PAK3: variants seen among roughly 807,000 people sequenced by gnomAD.
PAK3 encodes the protein serine/threonine-protein kinase PAK 3.
Under a neutral mutation model 41.0 loss-of-function variants are expected in PAK3, and 4 were observed. That is an observed-to-expected ratio of 0.10 (90% CI 0.05 to 0.22). PAK3 has a LOEUF of 0.22. Ranked by LOEUF, PAK3 falls within the 10% of genes least tolerant of loss-of-function variation. PAK3 has a pLI of 1.00. For missense variants in PAK3, 205 were observed against 409.9 expected (o/e 0.50, Z 4.32); for synonymous variants, 146 against 139.6 (o/e 1.05, Z -0.32).
intron 1 of PAK3, among the ~76,000 whole-genome samples, chrX:111,076,771 G>T (rs749972339): frequency 9.8e-5 from 11 of 111,985 alleles, no homozygotes; most frequent in Non-Finnish European, 1.9e-4. Flanking sequence ...ACAAGACAAG[G>T]ATGTCCACTC....
chrX:111,214,238 A>G (rs1159482000), intron 16 of PAK3, among the ~76,000 whole-genome samples: 5 of 112,049 alleles, frequency 4.5e-5, no homozygotes, highest in Non-Finnish European at 9.4e-5. Flanking sequence ...TGGTGTACAT[A>G]CGACGCAGAG....
chrX:111,160,809 T>G (rs1316986764), intron 8 of PAK3, among the ~76,000 whole-genome samples: 2 of 111,705 alleles, frequency 1.8e-5, no homozygotes, highest in Non-Finnish European at 3.8e-5. Context: ...TCATTTTTTG[T>G]GGCGCATAGT....
At chrX:111,104,397 A>G (rs1312755169) in intron 4 of PAK3, among the ~76,000 whole-genome samples, 1 of 112,168 alleles carries the variant, frequency 8.9e-6, no homozygotes, top group East Asian at 2.8e-4. Context: ...CACTGAGCAT[A>G]CAATGCGCCT....
At chrX:111,099,457 GGAAA>G (rs771111541) in intron 3 of PAK3, among the ~76,000 whole-genome samples, 17 of 110,329 alleles carry the variant, frequency 1.5e-4, no homozygotes, top group Admixed American at 1.5e-3. Flanking sequence ...CTTGAAAACT[GGAAA>G]GAGAGTAACA....
chrX:111,112,574 C>G (rs934570024), intron 4 of PAK3, among the ~76,000 whole-genome samples: 23 of 110,398 alleles, frequency 2.1e-4, no homozygotes, highest in Non-Finnish European at 3.6e-4. Flanking sequence ...CATTAGCTAC[C>G]CTTCTTCCAC....
At chrX:111,071,816 G>A (rs1194571599) in intron 1 of PAK3, among the ~76,000 whole-genome samples, 2 of 111,877 alleles carry the variant, frequency 1.8e-5, no homozygotes, top group African/African-American at 6.5e-5. Context: ...GAATCCTTTA[G>A]AAATTGATAC....
intron 1 of PAK3, among the ~76,000 whole-genome samples, chrX:111,069,515 C>T (rs2092726078): frequency 9.0e-6 from 1 of 111,278 alleles, no homozygotes; most frequent in African/African-American, 3.3e-5. Context: ...ATATTCTTAG[C>T]AAGATACAAA....
At chrX:111,032,838 A>G (rs2092355569) in intron 1 of PAK3, among the ~76,000 whole-genome samples, 1 of 110,548 alleles carries the variant, frequency 9.0e-6, no homozygotes, top group Admixed American at 9.7e-5. Flanking sequence ...AATGAGCCAG[A>G]TCTTCCTCCT....
chrX:110,976,647 G>A (rs777895374), intron 1 of PAK3, among the ~76,000 whole-genome samples: 8 of 111,715 alleles, frequency 7.2e-5, no homozygotes, highest in Non-Finnish European at 1.5e-4. Context: ...CTACTATAAA[G>A]ACACATGCAT....
chrX:111,020,715 G>C (rs982780138), intron 1 of PAK3, among the ~76,000 whole-genome samples: 1 of 111,906 alleles, frequency 8.9e-6, no homozygotes, highest in African/African-American at 3.3e-5. Flanking sequence ...ACCTGTGTCT[G>C]TTTGCTTTCT....
intron 5 of PAK3, among the ~76,000 whole-genome samples, chrX:111,127,959 G>A (rs1174281092): frequency 8.9e-6 from 1 of 112,238 alleles, no homozygotes; most frequent in Non-Finnish European, 1.9e-5. Flanking sequence ...ATAAATACAT[G>A]AATAAATAAA....
chrX:111,065,230 T>A (rs768487126), intron 1 of PAK3, among the ~76,000 whole-genome samples: 1 of 111,611 alleles, frequency 9.0e-6, no homozygotes, highest in Admixed American at 9.5e-5. Context: ...GGTATGTTCC[T>A]TTAATGCCTA....
At chrX:111,088,694 T>C (rs920628271) in intron 1 of PAK3, among the ~76,000 whole-genome samples, 1 of 112,059 alleles carries the variant, frequency 8.9e-6, no homozygotes, top group African/African-American at 3.2e-5. Context: ...AAATTTATTG[T>C]GTGGTTTAAG....
chrX:111,170,830 A>T (rs1305144367), intron 10 of PAK3, among the ~76,000 whole-genome samples: 9 of 111,630 alleles, frequency 8.1e-5, no homozygotes, highest in Non-Finnish European at 1.7e-4. Flanking sequence ...ATAAAGTAGT[A>T]AGGGTGGAGA....
intron 1 of PAK3, among the ~76,000 whole-genome samples, chrX:111,063,630 AG>A (rs2092676258): frequency 9.0e-6 from 1 of 111,211 alleles, no homozygotes; most frequent in African/African-American, 3.3e-5. Flanking sequence ...GACTCCTTCG[AG>A]ACCAGCCTGG....
At chrX:111,045,036 A>G (rs1179519539) in intron 1 of PAK3, among the ~76,000 whole-genome samples, 1 of 111,969 alleles carries the variant, frequency 8.9e-6, no homozygotes, top group African/African-American at 3.2e-5. Context: ...CAGACATCCC[A>G]GTTACAGACC....
chrX:110,948,752 A>G (rs1464647806), intron 1 of PAK3, among the ~76,000 whole-genome samples: 4 of 111,404 alleles, frequency 3.6e-5, no homozygotes, highest in African/African-American at 1.3e-4. Context: ...AGTACTCTAT[A>G]CTCAGATTAG....
chrX:111,136,642 T>G (rs2149067124), intron 5 of PAK3, among the ~76,000 whole-genome samples: 1 of 111,667 alleles, frequency 9.0e-6, no homozygotes, highest in East Asian at 2.8e-4. Flanking sequence ...ACAAGTAAAA[T>G]AGGAGTAAGC....
At chrX:110,945,827 C>T (rs1012187547) in intron 1 of PAK3, among the ~76,000 whole-genome samples, 2 of 111,472 alleles carry the variant, frequency 1.8e-5, no homozygotes, top group African/African-American at 6.5e-5. Flanking sequence ...AACTGCTAAA[C>T]CTTCTCTTTG....
Sources: gnomAD v4.1 joint callset for allele counts (sites outside exome capture counted in the v4.1 genomes callset) on GRCh38, gnomAD v4.1.1 for gene constraint, MANE v1.5 for transcripts, NCBI Gene and HGNC (gene_info 2026-07-23, HGNC 2026-07-21) for gene names.